WDR27: variants seen among roughly 807,000 people sequenced by gnomAD.
WDR27 encodes WD repeat domain 27.
WDR27 carries 100 observed loss-of-function variants against 114.4 expected under a neutral mutation model. That is an observed-to-expected ratio of 0.87 (90% CI 0.74 to 1.03). The LOEUF (loss-of-function observed/expected upper bound fraction) is 1.03. WDR27 is among the 50% of genes least tolerant of loss of function. The pLI is 0.00. For synonymous variants in WDR27, 449 were observed against 423.1 expected, an observed-to-expected ratio of 1.06 and a Z score of -0.75; for missense variants, 1,129 against 1,092.9, an observed-to-expected ratio of 1.03 and a Z score of -0.47.
chr6:169,649,018 A>C (rs1821527278), intron 15 of WDR27, among the ~76,000 whole-genome samples, 180 bp downstream of exon 15: 1 of 152,280 alleles, frequency 6.6e-6, no homozygotes, highest in African/African-American at 2.4e-5. Context: ...AAAAATTAAC[A>C]GGAAAGAAAT....
chr6:169,610,444 G>T (rs1562689165), intron 22 of WDR27, among the ~76,000 whole-genome samples: 1 of 152,146 alleles, frequency 6.6e-6, no homozygotes, highest in Non-Finnish European at 1.5e-5. Flanking sequence ...TGGCAGCAGG[G>T]TAAAGACAAA....
chr6:169,644,779 G>A (rs1199499464), intron 16 of WDR27, among the ~76,000 whole-genome samples: 1 of 66,178 alleles, frequency 1.5e-5, no homozygotes, highest in South Asian at 4.2e-4. Flanking sequence ...GGAGGCCGAG[G>A]CGGGCGGATC....
intron 7 of WDR27, 47 bp downstream of exon 7, chr6:169,665,439 G>C (rs567080985): frequency 6.3e-7 from 1 of 1,586,822 alleles, no homozygotes; most frequent in Non-Finnish European, 8.6e-7. Context: ...ACAAGCTCAC[G>C]TTCAGGCATG....
At chr6:169,497,163 T>C (rs992844182) in intron 25 of WDR27, among the ~76,000 whole-genome samples, 5 of 151,958 alleles carry the variant, frequency 3.3e-5, no homozygotes, top group African/African-American at 1.2e-4. Context: ...GCCAAGACCA[T>C]TAAATGGGGA....
intron 25 of WDR27, among the ~76,000 whole-genome samples, chr6:169,534,393 A>G (rs1007017209): frequency 6.6e-5 from 10 of 152,102 alleles, no homozygotes; most frequent in African/African-American, 2.4e-4. Flanking sequence ...TCAGGGTAAT[A>G]CTCATCTCAC....
At chr6:169,663,170 G>A (rs1383731105) in intron 8 of WDR27, among the ~76,000 whole-genome samples, 1 of 152,214 alleles carries the variant, frequency 6.6e-6, no homozygotes, top group African/African-American at 2.4e-5. Context: ...GAGTGGGAAA[G>A]AGGAGATAAT....
At chr6:169,477,713 C>T (rs375929677) in intron 25 of WDR27, among the ~76,000 whole-genome samples, 30 of 152,250 alleles carry the variant, frequency 2.0e-4, no homozygotes, top group African/African-American at 6.3e-4. Context: ...GGATTAAAGG[C>T]GTGATCCACT....
chr6:169,552,973 G>GGTGTGTGTGTGT (rs3975497), intron 25 of WDR27, among the ~76,000 whole-genome samples: 837 of 61,748 alleles, frequency 0.014, 78 homozygotes, highest in East Asian at 0.016. Context: ...GGGCCTGCCC[G>GGTGTGTGTGTGT]GTGTGTGTGT....
chr6:169,470,520 G>C (rs1389379697), intron 25 of WDR27, among the ~76,000 whole-genome samples: 3 of 152,206 alleles, frequency 2.0e-5, no homozygotes, highest in African/African-American at 7.2e-5. Flanking sequence ...TTGCAGTTCT[G>C]GAGCTAGAAG....
chr6:169,477,238 T>G (rs1225447941), intron 25 of WDR27, among the ~76,000 whole-genome samples: 1 of 152,242 alleles, frequency 6.6e-6, no homozygotes, highest in African/African-American at 2.4e-5. Context: ...CAGTTGGCTC[T>G]TCTTTTATTA....
rs1290749927 is a variant in WDR27, at chr6:169,613,596, CAA to C, written c.2282_2283del (p.Ile761ArgfsTer15). On this transcript the variant is annotated frameshift_variant, in exon 22 of 26. Coordinates refer to ENST00000448612, the MANE Select transcript of WDR27 (RefSeq NM_182552.5). LOFTEE classifies it high-confidence loss of function. Reference sequence around the variant, plus strand: ...AGGTCCCACAGTCTCATCCCATCGCCAATGGCCGTGGTCAGGAAAAGGTTATA... The same window carrying C: ...AGGTCCCACAGTCTCATCCCATCGCCTGGCCGTGGTCAGGAAAAGGTTATA... ...QAYNLFLTTA[I>X]GDGMRLWDLR... The C allele has an allele frequency of 6.2e-7, 1 of 1,613,732 alleles. No individual in the cohort carries two copies. The highest frequency in any genetic ancestry group is 1.3e-5 in the African/African-American group (1 of 74,904).
intron 25 of WDR27, among the ~76,000 whole-genome samples, chr6:169,570,799 A>T (rs1801277689): frequency 6.6e-6 from 1 of 152,204 alleles, no homozygotes; most frequent in Non-Finnish European, 1.5e-5. Flanking sequence ...ATTGCACTCC[A>T]GCCTGGGCCA....
chr6:169,492,728 A>G (rs1023975433), intron 25 of WDR27, among the ~76,000 whole-genome samples: 6 of 152,096 alleles, frequency 3.9e-5, no homozygotes, highest in African/African-American at 1.2e-4. Context: ...GAAATGAGAT[A>G]CAAGAGAAAA....
chr6:169,482,510 T>C (rs1261327916), intron 25 of WDR27, among the ~76,000 whole-genome samples: 2 of 152,190 alleles, frequency 1.3e-5, no homozygotes, highest in African/African-American at 2.4e-5. Flanking sequence ...ATTTCTCTTA[T>C]AATCAGTGAT....
chr6:169,441,387 T>C, the WDR27 span, among the ~76,000 whole-genome samples: 1 of 152,168 alleles, frequency 6.6e-6, no homozygotes, highest in Admixed American at 6.5e-5. Context: ...GAATTAATGA[T>C]GTGAACTGAA....
intron 25 of WDR27, among the ~76,000 whole-genome samples, chr6:169,481,160 A>G (rs1279410691): frequency 6.6e-6 from 1 of 152,124 alleles, no homozygotes; most frequent in Non-Finnish European, 1.5e-5. Context: ...AAACGCACCA[A>G]TCAGTGCTCT....
chr6:169,522,977 T>C (rs1794565867), intron 25 of WDR27, among the ~76,000 whole-genome samples: 1 of 151,600 alleles, frequency 6.6e-6, no homozygotes, highest in South Asian at 2.1e-4. Context: ...GAAAAATAAA[T>C]GAATGAGATT....
chr6:169,664,137 A>G, intron 8 of WDR27, 29 bp downstream of exon 8: 1 of 1,542,624 alleles, frequency 6.5e-7, no homozygotes, highest in Non-Finnish European at 8.7e-7. Flanking sequence ...GCCAAGTGGG[A>G]GGCCTGAGGG....
intron 25 of WDR27, chr6:169,559,255 G>C (rs1377609569): frequency 1.3e-5 from 2 of 152,204 alleles, no homozygotes; most frequent in Non-Finnish European, 2.9e-5. Flanking sequence ...GCGTGGCAAT[G>C]GCAAGCTGCC....
Sources: gnomAD v4.1 joint callset for allele counts (sites outside exome capture counted in the v4.1 genomes callset) on GRCh38, gnomAD v4.1.1 for gene constraint, MANE v1.5 for transcripts, NCBI Gene and HGNC (gene_info 2026-07-23, HGNC 2026-07-21) for gene names.